The following VCAN variants were observed in gnomAD, a reference collection of about 807,000 sequenced individuals.
The protein encoded by VCAN is versican.
VCAN carries 44 observed loss-of-function variants against 245.5 expected under a neutral mutation model. The ratio of observed to expected loss-of-function variants is 0.18; its 90% CI spans 0.14 to 0.23. The LOEUF (loss-of-function observed/expected upper bound fraction) is 0.23. Ranked by LOEUF, VCAN falls within the 10% of genes least tolerant of loss-of-function variation. The pLI, the probability that VCAN is intolerant of heterozygous loss-of-function variation, is 1.00. For synonymous variants in VCAN, 1,413 were observed against 1,437.0 expected (o/e 0.98, Z 0.38); for missense variants, 3,793 against 4,057.9 (o/e 0.93, Z 1.77).
chr5:83,505,454 C>G (rs754859269), intron 5 of VCAN, among the ~76,000 whole-genome samples: 3 of 152,152 alleles, frequency 2.0e-5, no homozygotes, highest in Non-Finnish European at 2.9e-5. Flanking sequence ...TTTTAAAGCT[C>G]CAAAATGATC....
At chr5:83,479,839 T>C in intron 1 of VCAN, among the ~76,000 whole-genome samples, 1 of 152,180 alleles carries the variant, frequency 6.6e-6, no homozygotes, top group Non-Finnish European at 1.5e-5. Flanking sequence ...CTAAAGTCAA[T>C]AAAGCCCTCT....
rs185183386 is a variant in VCAN, at chr5:83,474,795, T to C, written c.-7+2772T>C. ...ATTCGGGGCCGGCTGCTTCTGGAGC[T>C]GACCCGAGTTCCATCCAGACAGCGC... is the stretch of plus-strand genomic sequence containing the variant. On this transcript the variant is annotated intron_variant, in intron 1 of 14. Coordinates refer to ENST00000265077, the MANE Select transcript of VCAN (RefSeq NM_004385.5). 3.3e-3 allele frequency among the ~76,000 whole-genome samples: 504 copies of C among 152,366 alleles called. 3 individuals are homozygous for C. The highest frequency in any genetic ancestry group is 0.012 in the African/African-American group (483 of 41,584).
intron 1 of VCAN, among the ~76,000 whole-genome samples, chr5:83,480,594 G>A (rs1476332636): frequency 6.6e-6 from 1 of 152,158 alleles, no homozygotes; most frequent in Non-Finnish European, 1.5e-5. Context: ...CATTCCTCAA[G>A]GATATACCCT....
intron 12 of VCAN, among the ~76,000 whole-genome samples, chr5:83,567,281 A>C (rs1400901937): frequency 6.6e-6 from 1 of 151,824 alleles, no homozygotes; most frequent in African/African-American, 2.4e-5. Context: ...GCTTTCCTCT[A>C]CATCAACTAT....
chr5:83,578,508 C>T (rs1220032358), intron 13 of VCAN, among the ~76,000 whole-genome samples: 2 of 151,760 alleles, frequency 1.3e-5, no homozygotes, highest in Admixed American at 6.6e-5. Context: ...GTGCAGGTAT[C>T]CAGATTGAGG....
At chr5:83,505,409 C>A (rs1251395066) in intron 5 of VCAN, among the ~76,000 whole-genome samples, 1 of 152,142 alleles carries the variant, frequency 6.6e-6, no homozygotes, top group Non-Finnish European at 1.5e-5. Flanking sequence ...GGTTACAGGG[C>A]CCATGCAAGT....
intron 13 of VCAN, among the ~76,000 whole-genome samples, chr5:83,575,335 C>G (rs948175174): frequency 1.3e-5 from 2 of 152,142 alleles, no homozygotes; most frequent in African/African-American, 4.8e-5. Flanking sequence ...TGACCATGTC[C>G]CTTACTTCAG....
At chr5:83,527,820 G>C (rs529901744) in intron 7 of VCAN, among the ~76,000 whole-genome samples, 90 of 152,244 alleles carry the variant, frequency 5.9e-4, no homozygotes, top group African/African-American at 2.0e-3. Context: ...ATAACTAAAA[G>C]GAACTTTATT....
intron 3 of VCAN, among the ~76,000 whole-genome samples, chr5:83,492,847 T>C (rs1745025792): frequency 6.6e-6 from 1 of 152,200 alleles, no homozygotes; most frequent in Admixed American, 6.5e-5. Context: ...TACTCAACAT[T>C]TTAAAATCCT....
At chr5:83,536,320 C>G (rs309560) in intron 7 of VCAN, 76,103 of 151,830 alleles carry the variant, frequency 0.5, 19,193 homozygotes, top group Admixed American at 0.52. Context: ...GCCCGCCTAT[C>G]CAGAGCTTCC....
At chr5:83,490,527 G>C in intron 3 of VCAN, 55 bp downstream of exon 3, 1 of 1,606,902 alleles carries the variant, frequency 6.2e-7, no homozygotes, top group Admixed American at 1.7e-5. Flanking sequence ...TGGTTCAGAA[G>C]CATTGAGAAA....
chr5:83,576,934 A>C (rs1196495057), intron 13 of VCAN, among the ~76,000 whole-genome samples: 1 of 152,088 alleles, frequency 6.6e-6, no homozygotes, highest in Non-Finnish European at 1.5e-5. Flanking sequence ...TATACATACT[A>C]ATTTGTAGGA....
chr5:83,523,780 C>T (rs918558046), intron 7 of VCAN, among the ~76,000 whole-genome samples: 1 of 152,048 alleles, frequency 6.6e-6, no homozygotes, highest in Non-Finnish European at 1.5e-5. Context: ...AACATATTTC[C>T]TCTTTTCTAC....
intron 2 of VCAN, among the ~76,000 whole-genome samples, chr5:83,489,017 G>A (rs1744879542): frequency 6.6e-6 from 1 of 152,022 alleles, no homozygotes; most frequent in African/African-American, 2.4e-5. Flanking sequence ...AGAATCCACA[G>A]TGTTTACATT....
chr5:83,540,963 T>A lies in VCAN; in HGVS notation c.7960T>A (p.Ser2654Thr), dbSNP rs1236509378. 1.9e-6 allele frequency: 3 copies of A among 1,614,068 alleles called. No individual in the cohort carries two copies. Among genetic ancestry groups the A allele is most frequent in the Non-Finnish European group, 2.5e-6 (3 of 1,179,988 alleles). The change falls in exon 8 of 15, where the codon TCA becomes ACA. Residue 2654 changes from serine (S) to threonine (T), a missense_variant. By Grantham distance (58) the Ser-to-Thr change is moderately conservative. This residue lies in a region of VCAN where 3,182 missense variants were observed against 3,250.3 expected (regional missense o/e 0.98). Transcript: ENST00000265077. ...CTACACTCAGGCAACACATGATGAA[T>A]CAATGACTTATGAAGATAGAAGCCA... ...ASYTQATHDESMTYEDRSQLD... is the reference protein window; with the variant it reads ...ASYTQATHDETMTYEDRSQLD...
chr5:83,498,084 G>A (rs1745215557), intron 5 of VCAN, among the ~76,000 whole-genome samples: 1 of 152,006 alleles, frequency 6.6e-6, no homozygotes, highest in Non-Finnish European at 1.5e-5. Flanking sequence ...CTGCCTTTTG[G>A]TATTTACTTC....
At chr5:83,529,642 G>A (rs1183944285) in intron 7 of VCAN, among the ~76,000 whole-genome samples, 4 of 152,026 alleles carry the variant, frequency 2.6e-5, no homozygotes, top group African/African-American at 4.8e-5. Context: ...GTTTGGTCTT[G>A]TATAAATTAC....
At chr5:83,482,383 C>T (rs1466266924) in intron 1 of VCAN, among the ~76,000 whole-genome samples, 2 of 139,696 alleles carry the variant, frequency 1.4e-5, no homozygotes, top group Non-Finnish European at 3.4e-5. Flanking sequence ...TATACTGTTC[C>T]AAATCCAATC....
chr5:83,526,085 G>T (rs911933787), intron 7 of VCAN, among the ~76,000 whole-genome samples: 1 of 146,838 alleles, frequency 6.8e-6, no homozygotes, highest in South Asian at 2.2e-4. Context: ...GATTACAGGC[G>T]CCTGCCACCA....
Sources: gnomAD v4.1 joint callset for allele counts (sites outside exome capture counted in the v4.1 genomes callset) on GRCh38, gnomAD v4.1.1 for gene constraint, gnomAD v4.1.1 regional missense constraint, MANE v1.5 for transcripts, NCBI Gene and HGNC (gene_info 2026-07-23, HGNC 2026-07-21) for gene names.